The following KIF26B variants were observed in gnomAD, a reference collection of about 807,000 sequenced individuals.
KIF26B encodes the protein kinesin family member 26B, also known as kinesin-like protein KIF26B.
In KIF26B, 63 loss-of-function variants were observed where a neutral mutation model predicts 151.2. The observed-to-expected ratio is 0.42, with a 90% confidence interval of 0.34 to 0.51. The LOEUF (loss-of-function observed/expected upper bound fraction) is 0.51, where lower values mean the gene tolerates loss of function less well. KIF26B is among the 20% of genes least tolerant of loss of function. The pLI is 0.07. For synonymous variants in KIF26B, 1,357 were observed against 1,262.1 expected, an observed-to-expected ratio of 1.08 and a Z score of -1.59; for missense variants, 2,813 against 2,913.6, an observed-to-expected ratio of 0.97 and a Z score of 0.79.
chr1:245,554,193 G>A (rs1031777558), intron 5 of KIF26B, among the ~76,000 whole-genome samples: 4 of 152,160 alleles, frequency 2.6e-5, no homozygotes, highest in South Asian at 2.1e-4. Context: ...TGCTGTCACC[G>A]CTTTATGGGT....
At chr1:245,221,377 T>TA (rs74163026) in intron 2 of KIF26B, among the ~76,000 whole-genome samples, 47,054 of 131,384 alleles carry the variant, frequency 0.36, 8,387 homozygotes, top group East Asian at 0.58. Flanking sequence ...AAGTTTGAAG[T>TA]AAAAAAAAAA....
chr1:245,554,243 G>T (rs1280327038), intron 5 of KIF26B, among the ~76,000 whole-genome samples: 1 of 152,202 alleles, frequency 6.6e-6, no homozygotes. Context: ...GCTACTTGAG[G>T]GTGGGAATCT....
intron 2 of KIF26B, among the ~76,000 whole-genome samples, chr1:245,323,250 A>T (rs978182984): frequency 6.6e-6 from 1 of 152,132 alleles, no homozygotes; most frequent in Non-Finnish European, 1.5e-5. Context: ...CAGTTTTGCA[A>T]AGCTCTTTTG....
intron 10 of KIF26B, among the ~76,000 whole-genome samples, chr1:245,677,364 A>G (rs941273143): frequency 3.9e-5 from 6 of 152,210 alleles, no homozygotes; most frequent in African/African-American, 1.4e-4. Flanking sequence ...AGTCACCTTC[A>G]TCGGAAGACT....
At chr1:245,371,027 G>T (rs1425715185) in intron 3 of KIF26B, among the ~76,000 whole-genome samples, 2 of 152,130 alleles carry the variant, frequency 1.3e-5, no homozygotes, top group African/African-American at 2.4e-5. Context: ...TCCTAATCCC[G>T]CCCGATGTGG....
At chr1:245,212,754 G>A (rs535603669) in intron 2 of KIF26B, among the ~76,000 whole-genome samples, 2 of 152,352 alleles carry the variant, frequency 1.3e-5, no homozygotes, top group East Asian at 1.9e-4. Context: ...CCGTGTGCTC[G>A]AACCGCCCCA....
chr1:245,366,726 C>A (rs2103009450), intron 2 of KIF26B, 108 bp from the exon 3 acceptor site: 1 of 1,057,988 alleles, frequency 9.5e-7, no homozygotes, highest in Non-Finnish European at 1.4e-6. Flanking sequence ...TCAAACTATC[C>A]AACTCTTTGA....
At chr1:245,629,919 C>G (rs1490176149) in intron 9 of KIF26B, among the ~76,000 whole-genome samples, 3 of 151,994 alleles carry the variant, frequency 2.0e-5, no homozygotes, top group Non-Finnish European at 2.9e-5. Context: ...AAAAAGTGGG[C>G]AAAGGATATG....
chr1:245,426,012 C>T (rs1454634709), intron 4 of KIF26B, among the ~76,000 whole-genome samples: 4 of 152,076 alleles, frequency 2.6e-5, no homozygotes, highest in Admixed American at 1.3e-4. Flanking sequence ...TTTTATTTTC[C>T]GTGATTTTAT....
intron 5 of KIF26B, among the ~76,000 whole-genome samples, chr1:245,566,488 AAAT>A (rs2043011355): frequency 6.6e-6 from 1 of 152,264 alleles, no homozygotes; most frequent in Admixed American, 6.5e-5. Context: ...ATGAATGAAA[AAAT>A]GCACAAATGC....
chr1:245,589,062 T>C (rs980655983), intron 5 of KIF26B, among the ~76,000 whole-genome samples: 1 of 152,200 alleles, frequency 6.6e-6, no homozygotes, highest in African/African-American at 2.4e-5. Context: ...CCATTCAGTA[T>C]ACGTCGGGCT....
Position 245,218,143 on chromosome 1 carries a change from T to C in KIF26B, c.465+61460T>C, listed in dbSNP as rs1306349087. On this transcript the variant is annotated intron_variant, in intron 2 of 14. Transcript: ENST00000407071. This position sits in a 1 kb window ranked among gnomAD's most constrained non-coding sequence, Gnocchi z 4.1. ...TGCAGCGGGCAGAGGCCAGAGGCCA[T>C]GGTGGGGGCCCCAGAACTCAGGCTG... Among the ~76,000 whole-genome samples the C allele has an allele frequency of 6.6e-6, 1 of 152,162 alleles. No individual in the cohort carries two copies. The highest frequency in any genetic ancestry group is 1.5e-5 in the Non-Finnish European group (1 of 68,022).
intron 4 of KIF26B, among the ~76,000 whole-genome samples, chr1:245,499,740 T>A (rs1228059090): frequency 1.3e-5 from 2 of 152,256 alleles, no homozygotes; most frequent in Non-Finnish European, 2.9e-5. Context: ...GTTAGCCAAT[T>A]GCTGTCCTGG....
At chr1:245,273,790 G>A (rs1670892962) in intron 2 of KIF26B, among the ~76,000 whole-genome samples, 1 of 152,096 alleles carries the variant, frequency 6.6e-6, no homozygotes, top group African/African-American at 2.4e-5. Flanking sequence ...ACAGCATATA[G>A]CTGAAGCTTG....
chr1:245,588,051 G>A (rs778211742), intron 5 of KIF26B, among the ~76,000 whole-genome samples: 1 of 152,088 alleles, frequency 6.6e-6, no homozygotes, highest in Non-Finnish European at 1.5e-5. Context: ...CAAGCCCCTC[G>A]GCTACAGAGG....
intron 6 of KIF26B, 149 bp from the exon 7 acceptor site, chr1:245,607,502 C>T (rs1233120332): frequency 6.6e-6 from 4 of 607,676 alleles, no homozygotes; most frequent in Non-Finnish European, 1.2e-5. Flanking sequence ...TTCTGAGCAT[C>T]TCCAAAACTT....
At chr1:245,398,584 G>A (rs956880190) in intron 3 of KIF26B, among the ~76,000 whole-genome samples, 1 of 152,138 alleles carries the variant, frequency 6.6e-6, no homozygotes, top group South Asian at 2.1e-4. Context: ...CAGTGGAGGG[G>A]TGGGTTGATG....
At chr1:245,334,304 C>A (rs923678651) in intron 2 of KIF26B, among the ~76,000 whole-genome samples, 1 of 152,174 alleles carries the variant, frequency 6.6e-6, no homozygotes, top group South Asian at 2.1e-4. Flanking sequence ...ATTCCTAATG[C>A]GCAGGAATGT....
At chr1:245,578,059 C>G (rs542342590) in intron 5 of KIF26B, among the ~76,000 whole-genome samples, 1 of 152,196 alleles carries the variant, frequency 6.6e-6, no homozygotes, top group Admixed American at 6.5e-5. Flanking sequence ...TGTGGAACTG[C>G]GGCAATGAGT....
Sources: gnomAD v4.1 joint callset for allele counts (sites outside exome capture counted in the v4.1 genomes callset) on GRCh38, gnomAD v4.1.1 for gene constraint, Gnocchi (gnomAD v3.1) non-coding constraint, MANE v1.5 for transcripts, NCBI Gene and HGNC (gene_info 2026-07-23, HGNC 2026-07-21) for gene names.